MAP2: variants seen among roughly 807,000 people sequenced by gnomAD.
MAP2 encodes the protein microtubule associated protein 2.
MAP2 carries 14 observed loss-of-function variants against 137.6 expected under a neutral mutation model. That is an observed-to-expected ratio of 0.10 (90% CI 0.07 to 0.16). The LOEUF (loss-of-function observed/expected upper bound fraction) is 0.16, where lower values mean the gene tolerates loss of function less well. MAP2 is among the 10% of genes least tolerant of loss of function. The pLI, the probability that MAP2 is intolerant of heterozygous loss-of-function variation, is 1.00. For synonymous variants in MAP2, 786 were observed against 782.3 expected (o/e 1.00, Z -0.08); for missense variants, 2,088 against 2,191.5 (o/e 0.95, Z 0.94).
intron 1 of MAP2, among the ~76,000 whole-genome samples, chr2:209,445,475 C>T (rs1306220063): frequency 7.4e-6 from 1 of 135,856 alleles, no homozygotes; most frequent in Non-Finnish European, 1.7e-5. Flanking sequence ...TCAGCAGAGA[C>T]GTTGCAACAC....
Position 209,692,902 on chromosome 2 carries a change from C to T in MAP2, c.732C>T (p.Ser244=), listed in dbSNP as rs913683466. ...ACATGAAACAGAAGACAGAACCAAGCCTTGTAGTACCTGGCATTGACCTCC... is the reference window on the plus strand; with the variant it reads ...ACATGAAACAGAAGACAGAACCAAGTCTTGTAGTACCTGGCATTGACCTCC... The part of the protein sequence containing the change: ...LEDMKQKTEP[S]LVVPGIDLPK... Residue 244 remains serine, a synonymous_variant, in exon 8 of 16, where the codon AGC becomes AGT. Coordinates refer to ENST00000682079, the MANE Select transcript of MAP2 (RefSeq NM_001375505.1). 3.1e-6 allele frequency: 5 copies of T among 1,614,070 alleles called. No homozygotes were observed. The highest frequency in any genetic ancestry group is 4.2e-6 in the Non-Finnish European group (5 of 1,179,972).
intron 1 of MAP2, among the ~76,000 whole-genome samples, chr2:209,474,194 A>G (rs568823171): frequency 1.3e-5 from 2 of 152,326 alleles, no homozygotes; most frequent in East Asian, 3.9e-4. Context: ...AATTTTGGCT[A>G]CAACTGATTT....
rs191415043 is a variant in MAP2 at position 209,680,928 on chromosome 2, C to T, written c.454+101C>T. The T allele has an allele frequency of 6.9e-5, 54 of 780,598 alleles. No homozygotes were observed. The East Asian group carries it at 1.3e-3, about 19-fold the overall frequency. 48.4% of individuals were successfully genotyped at this position (780,598 alleles called of 1,614,324 possible). On this transcript the variant is annotated intron_variant, in intron 7 of 15. Coordinates refer to ENST00000682079, the MANE Select transcript of MAP2 (RefSeq NM_001375505.1). ...ACTTTGGTATTGGTTAGTATGTGAC[C>T]AAGCTTTGGAGCTATCTGTTTCAAA...
chr2:209,652,992 C>A, intron 4 of MAP2, 150 bp from the exon 5 acceptor site: 1 of 496,206 alleles, frequency 2.0e-6, no homozygotes, highest in Middle Eastern at 3.6e-4. Context: ...CTAATTGACC[C>A]ATTCTTGATA....
At chr2:209,616,891 A>G (rs1186014198) in intron 3 of MAP2, among the ~76,000 whole-genome samples, 1 of 152,156 alleles carries the variant, frequency 6.6e-6, no homozygotes, top group Non-Finnish European at 1.5e-5. Flanking sequence ...CCATGTAGAA[A>G]TATGGTTGGA....
intron 7 of MAP2, among the ~76,000 whole-genome samples, chr2:209,683,594 A>G (rs887946587): frequency 1.3e-5 from 2 of 152,232 alleles, no homozygotes; most frequent in Non-Finnish European, 2.9e-5. Context: ...GTCACAAGAC[A>G]GGATTGAACT....
chr2:209,461,692 C>T (rs575993059), intron 1 of MAP2, among the ~76,000 whole-genome samples: 2 of 152,146 alleles, frequency 1.3e-5, no homozygotes, highest in African/African-American at 2.4e-5. Context: ...TCAGGTGATC[C>T]GCCCCCTGGG....
chr2:209,482,127 A>G (rs1245830430), intron 1 of MAP2, among the ~76,000 whole-genome samples: 2 of 152,180 alleles, frequency 1.3e-5, no homozygotes, highest in African/African-American at 4.8e-5. Context: ...TTGACACTTC[A>G]CTATTCTTAC....
intron 2 of MAP2, among the ~76,000 whole-genome samples, chr2:209,544,729 G>T (rs2153274923): frequency 6.6e-6 from 1 of 152,308 alleles, no homozygotes; most frequent in East Asian, 1.9e-4. Context: ...CTCAACCTTA[G>T]ATTTCCCATC....
At chr2:209,550,673 T>G (rs2068990182) in intron 2 of MAP2, among the ~76,000 whole-genome samples, 1 of 152,122 alleles carries the variant, frequency 6.6e-6, no homozygotes, top group Admixed American at 6.5e-5. Context: ...TAATAAATAA[T>G]CAAGATTAGT....
intron 1 of MAP2, among the ~76,000 whole-genome samples, chr2:209,484,076 G>T (rs535300112): frequency 6.6e-6 from 1 of 152,012 alleles, no homozygotes; most frequent in South Asian, 2.1e-4. Context: ...TGATTCCTTA[G>T]TTAAAAAAAT....
chr2:209,630,043 A>G (rs1325407386), intron 4 of MAP2, among the ~76,000 whole-genome samples: 1 of 152,180 alleles, frequency 6.6e-6, no homozygotes, highest in Non-Finnish European at 1.5e-5. Flanking sequence ...GAAAACAAAA[A>G]CGGTGCTGAT....
chr2:209,651,183 G>C (rs1475654769), intron 4 of MAP2, among the ~76,000 whole-genome samples: 1 of 152,130 alleles, frequency 6.6e-6, no homozygotes, highest in Non-Finnish European at 1.5e-5. Flanking sequence ...ATGGAGTGTA[G>C]AACACTGCAG....
intron 7 of MAP2, chr2:209,690,944 A>C: frequency 1.5e-5 from 17 of 1,112,112 alleles, no homozygotes; most frequent in Non-Finnish European, 1.8e-5. Flanking sequence ...TCGCTATTTC[A>C]TCGCTGGGTC....
intron 3 of MAP2, among the ~76,000 whole-genome samples, chr2:209,586,784 A>T (rs970191193): frequency 7.2e-5 from 11 of 152,164 alleles, no homozygotes; most frequent in African/African-American, 2.7e-4. Context: ...TGGTCCATGG[A>T]GACCATGCTT....
At chr2:209,507,434 C>T (rs1036708656) in intron 1 of MAP2, among the ~76,000 whole-genome samples, 158 bp from the exon 2 acceptor site, 1 of 151,936 alleles carries the variant, frequency 6.6e-6, no homozygotes, top group Non-Finnish European at 1.5e-5. Flanking sequence ...TTGTATTATA[C>T]ATAACCGTCA....
chr2:209,707,498 T>G (rs750938928), intron 12 of MAP2, among the ~76,000 whole-genome samples: 18 of 152,160 alleles, frequency 1.2e-4, no homozygotes, highest in Non-Finnish European at 1.6e-4. Flanking sequence ...TTGAAAAGAT[T>G]TGAAGGAAAC....
At chr2:209,561,826 A>G (rs977465824) in intron 2 of MAP2, among the ~76,000 whole-genome samples, 1 of 152,134 alleles carries the variant, frequency 6.6e-6, no homozygotes, top group Non-Finnish European at 1.5e-5. Flanking sequence ...AAGCTTTTAC[A>G]GCTCTCTGTA....
chr2:209,663,671 G>T (rs2044781091), intron 5 of MAP2, among the ~76,000 whole-genome samples: 1 of 152,140 alleles, frequency 6.6e-6, no homozygotes, highest in East Asian at 1.9e-4. Context: ...AAGATTCAGA[G>T]AAAAATCATC....
Sources: allele counts gnomAD v4.1 joint callset (sites outside exome capture counted in the v4.1 genomes callset), GRCh38; gene constraint gnomAD v4.1.1; transcripts MANE v1.5; gene names NCBI Gene and HGNC (gene_info 2026-07-23, HGNC 2026-07-21).